TAFA4: variants seen among roughly 807,000 people sequenced by gnomAD.
TAFA4 encodes the protein TAFA chemokine like family member 4.
A neutral mutation model predicts 21.1 loss-of-function variants in TAFA4; 20 were observed. That is an observed-to-expected ratio of 0.95 (90% confidence interval 0.67 to 1.38). TAFA4 has a LOEUF of 1.38. TAFA4 is among the 40% of genes most tolerant of loss of function. TAFA4 has a pLI of 0.00. For missense variants in TAFA4, 211 were observed against 180.9 expected (o/e 1.17, Z -0.95); for synonymous variants, 71 against 67.4 (o/e 1.05, Z -0.26).
chr3:68,734,949 G>GATAAA (rs1280122446), intron 5 of TAFA4, among the ~76,000 whole-genome samples: 2 of 152,138 alleles, frequency 1.3e-5, no homozygotes, highest in African/African-American at 4.8e-5. Context: ...GAAGTTGGAT[G>GATAAA]ATAAAATGCT....
chr3:68,892,331 CTATTAAA>C (rs1346368186), intron 1 of TAFA4, among the ~76,000 whole-genome samples: 1 of 152,106 alleles, frequency 6.6e-6, no homozygotes, highest in Non-Finnish European at 1.5e-5. Context: ...CAATAACTGT[CTATTAAA>C]TATTAAAGAA....
chr3:68,783,014 A>G (rs191510394), intron 3 of TAFA4, among the ~76,000 whole-genome samples: 44 of 152,380 alleles, frequency 2.9e-4, no homozygotes, highest in African/African-American at 9.1e-4. Context: ...AAAATAGATC[A>G]ATGTAACTCA....
At chr3:68,849,594 G>A (rs570836578) in intron 3 of TAFA4, among the ~76,000 whole-genome samples, 3 of 152,298 alleles carry the variant, frequency 2.0e-5, no homozygotes, top group East Asian at 1.9e-4. Flanking sequence ...TAGCCCAGGT[G>A]TCAGCTGACT....
chr3:68,880,950 G>C, intron 2 of TAFA4, 105 bp from the exon 3 acceptor site: 1 of 772,978 alleles, frequency 1.3e-6, no homozygotes, highest in South Asian at 1.8e-5. Flanking sequence ...GATCCCTGGA[G>C]CTGGAATTCC....
intron 3 of TAFA4, among the ~76,000 whole-genome samples, chr3:68,847,553 G>GA (rs1410752926): frequency 1.3e-5 from 2 of 152,136 alleles, no homozygotes; most frequent in African/African-American, 2.4e-5. Flanking sequence ...CTGGAGTATG[G>GA]AAAAAACCTC....
intron 3 of TAFA4, among the ~76,000 whole-genome samples, chr3:68,767,199 A>G (rs1279377684): frequency 3.3e-5 from 5 of 152,134 alleles, no homozygotes; most frequent in Non-Finnish European, 5.9e-5. Context: ...CATTAACACA[A>G]TTATTTAATA....
intron 1 of TAFA4, among the ~76,000 whole-genome samples, chr3:68,912,210 C>A (rs564828055): frequency 6.6e-6 from 1 of 152,284 alleles, no homozygotes; most frequent in East Asian, 1.9e-4. Flanking sequence ...GCCGGGGCCC[C>A]TTTAATCATG....
At chr3:68,922,970 C>T (rs2090074386) in intron 1 of TAFA4, among the ~76,000 whole-genome samples, 1 of 152,132 alleles carries the variant, frequency 6.6e-6, no homozygotes, top group Admixed American at 6.5e-5. Flanking sequence ...CCCCAACTCA[C>T]CCATGAGGAA....
Position 68,754,901 on chromosome 3 carries a change from A to C in TAFA4, c.131-1883T>G, listed in dbSNP as rs557530641. Among the ~76,000 whole-genome samples the C allele has an allele frequency of 6.0e-4, 92 of 152,280 alleles. 1 individual carries two copies. The highest frequency in any genetic ancestry group is 6.0e-3 in the Admixed American group (92 of 15,292). ...TATTCTCATCATTCTCTGAGAACTT[A>C]CTAACCTTCTGACCCTCAAGATGTT... On this transcript the variant is annotated intron_variant, in intron 3 of 5. Coordinates refer to ENST00000295569, the MANE Select transcript of TAFA4 (RefSeq NM_182522.5).
chr3:68,811,442 T>G (rs1412773417), intron 3 of TAFA4, among the ~76,000 whole-genome samples: 3 of 152,082 alleles, frequency 2.0e-5, no homozygotes, highest in African/African-American at 4.8e-5. Flanking sequence ...ATTAGAAGAA[T>G]GGATAACTAG....
At chr3:68,741,421 T>C (rs181600867) in intron 4 of TAFA4, among the ~76,000 whole-genome samples, 1 of 152,336 alleles carries the variant, frequency 6.6e-6, no homozygotes, top group African/African-American at 2.4e-5. Context: ...GGATTGTTCA[T>C]TGCTAGAGAA....
intron 3 of TAFA4, among the ~76,000 whole-genome samples, chr3:68,779,101 G>A (rs987105168): frequency 1.3e-5 from 2 of 152,186 alleles, no homozygotes; most frequent in African/African-American, 4.8e-5. Context: ...TTATGTTTTA[G>A]CAAAGAGAGT....
chr3:68,876,200 G>C (rs78040500), intron 3 of TAFA4, among the ~76,000 whole-genome samples: 7,684 of 152,226 alleles, frequency 0.05, 260 homozygotes, highest in Non-Finnish European at 0.072. Context: ...TAAATAAAAT[G>C]TGTTAGTGAA....
intron 3 of TAFA4, among the ~76,000 whole-genome samples, chr3:68,795,260 C>T (rs1307307053): frequency 1.3e-5 from 2 of 151,046 alleles, no homozygotes; most frequent in Non-Finnish European, 2.9e-5. Flanking sequence ...TAGATGGAGA[C>T]AGCTTTGACA....
At chr3:68,850,073 T>G (rs1419542800) in intron 3 of TAFA4, among the ~76,000 whole-genome samples, 1 of 152,162 alleles carries the variant, frequency 6.6e-6, no homozygotes, top group Non-Finnish European at 1.5e-5. Context: ...TTGCCTCTTT[T>G]CCCATGAAAC....
chr3:68,762,046 C>G (rs1024801581), intron 3 of TAFA4, among the ~76,000 whole-genome samples: 2 of 151,498 alleles, frequency 1.3e-5, no homozygotes, highest in African/African-American at 4.9e-5. Flanking sequence ...AGAGAGAAAT[C>G]TGGCTTTAGG....
chr3:68,853,621 G>T (rs1704999162), intron 3 of TAFA4, among the ~76,000 whole-genome samples: 1 of 152,068 alleles, frequency 6.6e-6, no homozygotes. Context: ...TTCCTCCAGT[G>T]TCTTACCATC....
intron 3 of TAFA4, among the ~76,000 whole-genome samples, chr3:68,838,134 A>C (rs530284274): frequency 8.8e-4 from 134 of 152,226 alleles, no homozygotes; most frequent in South Asian, 2.3e-3. Flanking sequence ...GGTTGGTGCA[A>C]AAGTATTGCA....
chr3:68,908,415 T>C (rs1293767336), intron 1 of TAFA4, among the ~76,000 whole-genome samples: 1 of 152,126 alleles, frequency 6.6e-6, no homozygotes, highest in East Asian at 1.9e-4. Flanking sequence ...CCTATTCACG[T>C]TCTTATCAAC....
Sources: allele counts gnomAD v4.1 joint callset (sites outside exome capture counted in the v4.1 genomes callset), GRCh38; gene constraint gnomAD v4.1.1; transcripts MANE v1.5; gene names NCBI Gene and HGNC (gene_info 2026-07-23, HGNC 2026-07-21).